Variants in SEC23A observed in about 807,000 individuals in gnomAD.
SEC23A encodes SEC23 homolog A, COPII component.
Under a neutral mutation model 103.7 loss-of-function variants are expected in SEC23A, and 56 were observed. The ratio of observed to expected loss-of-function variants is 0.54; its 90% CI spans 0.44 to 0.67. The LOEUF (loss-of-function observed/expected upper bound fraction) is 0.67, where lower values mean the gene tolerates loss of function less well. Among genes scored for constraint, SEC23A ranks in the 30% least tolerant of loss-of-function variants. The probability of loss-of-function intolerance (pLI) is 0.00; values close to 1 mark genes in which losing one functional copy is unlikely to be tolerated. For missense variants in SEC23A, 784 were observed against 936.4 expected (o/e 0.84, Z 2.12); for synonymous variants, 281 against 293.0 (o/e 0.96, Z 0.42).
chr14:39,052,405 C>A lies in SEC23A; in HGVS notation c.1659+2738G>T, dbSNP rs561254050. ...TTCTAGACATAAGTCTTCAGAGAAT[C>A]CTGATAATTCTGAAGAATTACAATC... On this transcript the variant is annotated intron_variant, in intron 14 of 19. Coordinates refer to ENST00000307712, the MANE Select transcript of SEC23A (RefSeq NM_006364.4). 3.3e-5 allele frequency among the ~76,000 whole-genome samples: 5 copies of A among 152,192 alleles called. No homozygotes were observed. In the South Asian group the frequency reaches 8.3e-4, roughly 25 times the overall value.
At position 39,059,278 on chromosome 14, in the gene SEC23A, TA is replaced by T. The variant is rs750853379; in HGVS notation, c.1505+2486del. Among the ~76,000 whole-genome samples the T allele has an allele frequency of 5.9e-3, 426 of 71,708 alleles. 1 individual carries two copies. Among genetic ancestry groups the T allele is most frequent in the African/African-American group, 0.017 (334 of 19,412 alleles). 47.0% of individuals were successfully genotyped at this position (71,708 alleles called of 152,430 possible). A position where few individuals can be genotyped will look rare whatever the true frequency, so the allele number is the denominator to read the frequency against. On this transcript the variant is annotated intron_variant, in intron 13 of 19. Transcript: ENST00000307712. ...GGCCCCTAAAGTCATAGTCCTAGTT[TA>T]AAAAAAAAAAAAAAAAAAAAAAAAA...
intron 9 of SEC23A, among the ~76,000 whole-genome samples, chr14:39,073,534 T>G (rs183263500): frequency 6.7e-6 from 1 of 148,792 alleles, no homozygotes; most frequent in African/African-American, 2.5e-5. Flanking sequence ...CTTCAGATAA[T>G]CCTCCCACCT....
At chr14:39,052,034 T>C (rs1246793918) in intron 14 of SEC23A, among the ~76,000 whole-genome samples, 1 of 151,588 alleles carries the variant, frequency 6.6e-6, no homozygotes. Context: ...GAAGCCATTA[T>C]CCTCAGCAAA....
intron 2 of SEC23A, among the ~76,000 whole-genome samples, chr14:39,095,593 G>A (rs912484691): frequency 1.3e-5 from 2 of 151,988 alleles, no homozygotes; most frequent in Non-Finnish European, 2.9e-5. Flanking sequence ...CACCACGCCC[G>A]GCCAATTATG....
At chr14:39,047,441 G>A (rs1252347115) in intron 15 of SEC23A, 1 of 1,281,760 alleles carries the variant, frequency 7.8e-7, no homozygotes, top group Admixed American at 2.3e-5. Context: ...TCTCTCCTCT[G>A]TAAGCATGGA....
At chr14:39,081,144 G>A (rs1887212189) in intron 7 of SEC23A, among the ~76,000 whole-genome samples, 1 of 151,852 alleles carries the variant, frequency 6.6e-6, no homozygotes, top group Admixed American at 6.6e-5. Context: ...GTTTGAGGTT[G>A]CAGTGCTGCA....
intron 2 of SEC23A, among the ~76,000 whole-genome samples, chr14:39,093,486 G>A (rs751297247): frequency 3.3e-5 from 5 of 152,190 alleles, no homozygotes; most frequent in Admixed American, 6.5e-5. Flanking sequence ...TTGGCTGGGT[G>A]CAGTAGGTCA....
chr14:39,068,076 G>C (rs112116331), intron 9 of SEC23A, among the ~76,000 whole-genome samples: 1 of 152,044 alleles, frequency 6.6e-6, no homozygotes, highest in Admixed American at 6.6e-5. Flanking sequence ...GAAGAAAATT[G>C]AGAGTATTTT....
intron 7 of SEC23A, among the ~76,000 whole-genome samples, chr14:39,076,535 T>C (rs555589228): frequency 1.3e-5 from 2 of 151,520 alleles, no homozygotes; most frequent in African/African-American, 2.4e-5. Flanking sequence ...TCCAAGTAGC[T>C]GGAATGAGAA....
At position 39,033,256 on chromosome 14, in the gene SEC23A, C is replaced by T. The variant is rs768765476; in HGVS notation, c.2281G>A (p.Val761Met). The change falls in exon 20 of 20, where the codon GTG (valine) becomes ATG (methionine). Residue 761 changes from valine (V) to methionine (M), a missense_variant. Transcript: ENST00000307712. ...VFMDHLKKLA[V>M]SSAA Reference sequence around the variant, plus strand: ...TTAGCACTTCAAGCAGCACTGGACACAGCAAGTTTCTTCAAGTGATCCATA... The same window carrying T: ...TTAGCACTTCAAGCAGCACTGGACATAGCAAGTTTCTTCAAGTGATCCATA... 3.1e-6 allele frequency: 5 copies of T among 1,611,572 alleles called. No individual in the cohort carries two copies. The highest frequency in any genetic ancestry group is 4.2e-6 in the Non-Finnish European group (5 of 1,177,710).
intron 1 of SEC23A, among the ~76,000 whole-genome samples, chr14:39,102,487 G>A (rs1269429499): frequency 6.6e-6 from 1 of 152,166 alleles, no homozygotes; most frequent in Admixed American, 6.5e-5. Context: ...CCACCAAATC[G>A]GGAAACACTA....
At chr14:39,060,482 G>A (rs556897713) in intron 13 of SEC23A, among the ~76,000 whole-genome samples, 5 of 152,076 alleles carry the variant, frequency 3.3e-5, no homozygotes, top group South Asian at 2.1e-4. Flanking sequence ...GTCCATTGTC[G>A]AGACCATGAC....
chr14:39,077,832 C>T (rs1887091919), intron 7 of SEC23A, among the ~76,000 whole-genome samples: 1 of 151,764 alleles, frequency 6.6e-6, no homozygotes, highest in Non-Finnish European at 1.5e-5. Flanking sequence ...TCTTGGGAGG[C>T]TGAGGCAAGA....
At chr14:39,073,950 GCTGT>G (rs1277333955) in intron 9 of SEC23A, among the ~76,000 whole-genome samples, 1 of 152,010 alleles carries the variant, frequency 6.6e-6, no homozygotes, top group South Asian at 2.1e-4. Context: ...GCAATTATCA[GCTGT>G]CTAAGGATGA....
At position 39,067,666 on chromosome 14, in the gene SEC23A, C is replaced by CT. The variant is rs762046832; in HGVS notation, c.1104-371dup. On this transcript the variant is annotated intron_variant, in intron 9 of 19. Coordinates refer to ENST00000307712, the MANE Select transcript of SEC23A (RefSeq NM_006364.4). Reference sequence around the variant, plus strand: ...CCTGACAGTTTCCAGCATGCATTCTCTTTTTTTTTTTTTTTTTTTTTTCAG... The same window carrying CT: ...CCTGACAGTTTCCAGCATGCATTCTCTTTTTTTTTTTTTTTTTTTTTTTCAG... Among the ~76,000 whole-genome samples the CT allele has an allele frequency of 8.4e-4, 69 of 82,108 alleles. 1 individual carries two copies. The highest frequency in any genetic ancestry group is 1.6e-3 in the African/African-American group (31 of 19,706). 53.9% of individuals were successfully genotyped at this position (82,108 alleles called of 152,430 possible). A position where few individuals can be genotyped will look rare whatever the true frequency, so the allele number is the denominator to read the frequency against.
rs1886939774 is a variant in SEC23A at position 39,074,395 on chromosome 14, G to A, written c.1103+20C>T. On this transcript the variant is annotated intron_variant, in intron 9 of 19. Coordinates refer to ENST00000307712, the MANE Select transcript of SEC23A (RefSeq NM_006364.4). ...TCATTTGCTTATAATTACAAAAACTGTAAAAATTTAAATACATACCCAGTA... is the reference window on the plus strand; with the variant it reads ...TCATTTGCTTATAATTACAAAAACTATAAAAATTTAAATACATACCCAGTA... 9 of 1,469,628 alleles carry A rather than the reference G, an allele frequency of 6.1e-6. No homozygotes were observed. Among genetic ancestry groups the A allele is most frequent in the Admixed American group, 3.3e-5 (2 of 59,772 alleles). 91.0% of individuals were successfully genotyped at this position (1,469,628 alleles called of 1,614,324 possible). A position where few individuals can be genotyped will look rare whatever the true frequency, so the allele number is the denominator to read the frequency against.
intron 14 of SEC23A, among the ~76,000 whole-genome samples, chr14:39,050,996 A>C (rs1315091333): frequency 6.6e-6 from 1 of 152,198 alleles, no homozygotes; most frequent in Non-Finnish European, 1.5e-5. Flanking sequence ...ATTTTCTTGT[A>C]CTGACAACTT....
chr14:39,075,436 T>C (rs751541805), intron 8 of SEC23A, among the ~76,000 whole-genome samples: 5 of 151,870 alleles, frequency 3.3e-5, no homozygotes, highest in Admixed American at 1.3e-4. Flanking sequence ...TATTAACAAA[T>C]AGAACGAATA....
intron 19 of SEC23A, among the ~76,000 whole-genome samples, chr14:39,035,792 A>T (rs7157388): frequency 1.3e-5 from 2 of 152,118 alleles, no homozygotes; most frequent in African/African-American, 4.8e-5. Context: ...TTATTGCCTC[A>T]AGTAATTAAT....
Sources: gnomAD v4.1 joint callset for allele counts (sites outside exome capture counted in the v4.1 genomes callset) on GRCh38, gnomAD v4.1.1 for gene constraint, MANE v1.5 for transcripts, NCBI Gene and HGNC (gene_info 2026-07-23, HGNC 2026-07-21) for gene names.